The following LHFPL3 variants were observed in gnomAD, a reference collection of about 807,000 sequenced individuals.
LHFPL3 encodes LHFPL tetraspan subfamily member 3 protein.
Under a neutral mutation model 19.3 loss-of-function variants are expected in LHFPL3, and 5 were observed. That is an observed-to-expected ratio of 0.26 (90% CI 0.14 to 0.54). The LOEUF is 0.54. Ranked by LOEUF, LHFPL3 falls within the 20% of genes least tolerant of loss-of-function variation. The probability of loss-of-function intolerance (pLI) is 0.94; values close to 1 mark genes in which losing one functional copy is unlikely to be tolerated. For synonymous variants in LHFPL3, 133 were observed against 126.2 expected (o/e 1.05, Z -0.36); for missense variants, 249 against 307.4 (o/e 0.81, Z 1.42).
At chr7:104,707,878 A>G (rs1309173274) in intron 1 of LHFPL3, among the ~76,000 whole-genome samples, 1 of 152,220 alleles carries the variant, frequency 6.6e-6, no homozygotes, top group Non-Finnish European at 1.5e-5. Context: ...CTACAAGCCA[A>G]TTCAAGTCTG....
intron 1 of LHFPL3, among the ~76,000 whole-genome samples, chr7:104,332,967 T>C (rs1265325166): frequency 2.6e-5 from 4 of 151,144 alleles, no homozygotes; most frequent in African/African-American, 9.7e-5. Flanking sequence ...AAAGAGGCTT[T>C]CTGTGTGATT....
chr7:104,345,101 T>C (rs1790037940), intron 1 of LHFPL3, among the ~76,000 whole-genome samples: 1 of 152,194 alleles, frequency 6.6e-6, no homozygotes, highest in Non-Finnish European at 1.5e-5. Context: ...TAGAATCATC[T>C]AGGCTTTTTA....
At chr7:104,406,012 C>T (rs1791405159) in intron 1 of LHFPL3, among the ~76,000 whole-genome samples, 1 of 152,168 alleles carries the variant, frequency 6.6e-6, no homozygotes, top group African/African-American at 2.4e-5. Context: ...AGAATAACTC[C>T]TTCTTGAGTG....
chr7:104,498,681 T>C (rs35535073), intron 1 of LHFPL3, among the ~76,000 whole-genome samples: 8,857 of 152,214 alleles, frequency 0.058, 382 homozygotes, highest in Non-Finnish European at 0.093. Context: ...TTTCACCATG[T>C]TGACCAGGTT....
At chr7:104,370,684 C>T (rs796873697) in intron 1 of LHFPL3, among the ~76,000 whole-genome samples, 6 of 152,182 alleles carry the variant, frequency 3.9e-5, no homozygotes, top group African/African-American at 1.4e-4. Context: ...GAGTTCGAGA[C>T]CAGCCTGGCC....
At chr7:104,540,172 A>C (rs1369897353) in intron 1 of LHFPL3, among the ~76,000 whole-genome samples, 2 of 152,170 alleles carry the variant, frequency 1.3e-5, no homozygotes, top group African/African-American at 4.8e-5. Flanking sequence ...ATACAGTGAA[A>C]TTATACGCTG....
intron 1 of LHFPL3, among the ~76,000 whole-genome samples, chr7:104,333,404 T>C (rs551600893): frequency 2.0e-5 from 3 of 152,290 alleles, no homozygotes; most frequent in South Asian, 4.2e-4. Flanking sequence ...CTGATCCAGA[T>C]TGGATTTTCT....
At chr7:104,891,581 C>T (rs1001672509) in intron 2 of LHFPL3, among the ~76,000 whole-genome samples, 4 of 152,206 alleles carry the variant, frequency 2.6e-5, no homozygotes, top group African/African-American at 7.2e-5. Flanking sequence ...GACATTCAAA[C>T]CACAGTAGTC....
chr7:104,793,285 A>G (rs1432091772), intron 2 of LHFPL3, among the ~76,000 whole-genome samples: 2 of 152,212 alleles, frequency 1.3e-5, no homozygotes, highest in African/African-American at 2.4e-5. Context: ...CCTGGACAAA[A>G]GAGGGGAAAA....
Position 104,391,844 on chromosome 7 carries a change from A to G in LHFPL3, c.445+62620A>G, listed in dbSNP as rs1791076597. ...ATGGAATGTTCTTCCATTTGTTTGT[A>G]TCCTCTTTTATTTCATTGAGCAATG... On this transcript the variant is annotated intron_variant, in intron 1 of 2. Transcript: ENST00000424859. Among the ~76,000 whole-genome samples, 5 of 152,196 alleles carry G rather than the reference A, an allele frequency of 3.3e-5. No homozygotes were observed. The South Asian group carries it at 1.0e-3, about 32-fold the overall frequency.
chr7:104,622,357 C>T (rs1791461883), intron 1 of LHFPL3, among the ~76,000 whole-genome samples: 1 of 152,186 alleles, frequency 6.6e-6, no homozygotes, highest in South Asian at 2.1e-4. Context: ...AAGCAATCCG[C>T]TTGCCTCAGC....
chr7:104,640,581 CAT>C (rs1791814892), intron 1 of LHFPL3, among the ~76,000 whole-genome samples: 1 of 152,160 alleles, frequency 6.6e-6, no homozygotes, highest in South Asian at 2.1e-4. Context: ...GCAGTAAACA[CAT>C]GTGTGCATGT....
intron 1 of LHFPL3, among the ~76,000 whole-genome samples, chr7:104,410,584 C>T (rs978895516): frequency 6.6e-6 from 1 of 152,144 alleles, no homozygotes; most frequent in Admixed American, 6.5e-5. Flanking sequence ...GAGGAATAAT[C>T]CACAAATCAA....
chr7:104,527,047 A>G (rs1240032709), intron 1 of LHFPL3, among the ~76,000 whole-genome samples: 3 of 152,190 alleles, frequency 2.0e-5, no homozygotes, highest in Admixed American at 6.5e-5. Context: ...CCAAGAAGAT[A>G]AGCCTGGAAT....
chr7:104,834,758 G>A (rs187938931), intron 2 of LHFPL3, among the ~76,000 whole-genome samples: 2 of 152,094 alleles, frequency 1.3e-5, no homozygotes, highest in African/African-American at 2.4e-5. Context: ...GGCGGAGAGG[G>A]CTGCTTCAGC....
chr7:104,814,906 A>T (rs1264617460), intron 2 of LHFPL3, among the ~76,000 whole-genome samples: 1 of 152,154 alleles, frequency 6.6e-6, no homozygotes, highest in African/African-American at 2.4e-5. Flanking sequence ...GGCACTTTCA[A>T]GCCTGCAAGG....
At chr7:104,333,817 G>T (rs1801613135) in intron 1 of LHFPL3, among the ~76,000 whole-genome samples, 1 of 152,128 alleles carries the variant, frequency 6.6e-6, no homozygotes, top group African/African-American at 2.4e-5. Context: ...GTCTTCTCCA[G>T]TGCATTGAAA....
chr7:104,654,954 T>C (rs1792096512), intron 1 of LHFPL3, among the ~76,000 whole-genome samples: 1 of 152,142 alleles, frequency 6.6e-6, no homozygotes, highest in African/African-American at 2.4e-5. Context: ...TTATTGTCTT[T>C]TACTTCTGAT....
intron 1 of LHFPL3, among the ~76,000 whole-genome samples, chr7:104,547,370 T>C (rs565220839): frequency 3.3e-5 from 5 of 151,992 alleles, no homozygotes; most frequent in African/African-American, 1.2e-4. Context: ...GTTGCATTGG[T>C]TACTTCAAAA....
Sources: gnomAD v4.1 joint callset for allele counts (sites outside exome capture counted in the v4.1 genomes callset) on GRCh38, gnomAD v4.1.1 for gene constraint, MANE v1.5 for transcripts, NCBI Gene and HGNC (gene_info 2026-07-23, HGNC 2026-07-21) for gene names.